Variants in TMEM132D observed in about 807,000 individuals in gnomAD.
The protein encoded by TMEM132D is mature OL transmembrane protein.
A neutral mutation model predicts 62.3 loss-of-function variants in TMEM132D; 21 were observed. That is an observed-to-expected ratio of 0.34 (90% CI 0.24 to 0.49). TMEM132D has a LOEUF of 0.49. Among genes scored for constraint, TMEM132D ranks in the 20% least tolerant of loss-of-function variants. The pLI is 0.99. For synonymous variants in TMEM132D, 621 were observed against 575.6 expected, an observed-to-expected ratio of 1.08 and a Z score of -1.13; for missense variants, 1,346 against 1,402.8, an observed-to-expected ratio of 0.96 and a Z score of 0.65.
intron 3 of TMEM132D, among the ~76,000 whole-genome samples, chr12:129,427,343 G>A (rs1347836625): frequency 6.6e-6 from 1 of 150,680 alleles, no homozygotes; most frequent in African/African-American, 2.4e-5. Context: ...ACTCATAGGT[G>A]GAAACTGAAC....
intron 1 of TMEM132D, among the ~76,000 whole-genome samples, chr12:129,704,039 T>C (rs1325867049): frequency 6.6e-6 from 1 of 152,068 alleles, no homozygotes; most frequent in Non-Finnish European, 1.5e-5. Context: ...GAAAACAGAA[T>C]GATTAGGGCA....
intron 4 of TMEM132D, among the ~76,000 whole-genome samples, chr12:129,245,944 T>C (rs1185478603): frequency 2.0e-5 from 3 of 152,166 alleles, no homozygotes; most frequent in Non-Finnish European, 4.4e-5. Context: ...TCTGCCACTC[T>C]TGGGTACACT....
At chr12:129,643,203 G>T (rs1042237754) in intron 2 of TMEM132D, among the ~76,000 whole-genome samples, 1 of 152,024 alleles carries the variant, frequency 6.6e-6, no homozygotes, top group African/African-American at 2.4e-5. Context: ...GATTACAGGC[G>T]TGAGCCACCA....
intron 3 of TMEM132D, among the ~76,000 whole-genome samples, chr12:129,378,527 T>C (rs1238900696): frequency 6.6e-6 from 1 of 152,212 alleles, no homozygotes. Context: ...TTCAAAGTAG[T>C]TGAAAGCTAG....
At chr12:129,142,233 A>T (rs1053518245) in intron 5 of TMEM132D, among the ~76,000 whole-genome samples, 1 of 152,130 alleles carries the variant, frequency 6.6e-6, no homozygotes, top group South Asian at 2.1e-4. Context: ...GGTGCAGCGA[A>T]CTTTCTGCCC....
In TMEM132D at chr12:129,079,744, T is replaced by C. The variant is rs190599007; in HGVS notation, c.1924-1019A>G. ...ATGCCACCTTCACTTTCTGGTCCGATTGGGACAATTTAAATGGTGGCGAGC... is the reference window on the plus strand; with the variant it reads ...ATGCCACCTTCACTTTCTGGTCCGACTGGGACAATTTAAATGGTGGCGAGC... On this transcript the variant is annotated intron_variant, in intron 7 of 8. Transcript: ENST00000422113. 3.9e-5 allele frequency among the ~76,000 whole-genome samples: 6 copies of C among 152,298 alleles called. No individual in the cohort carries two copies. The East Asian group carries it at 1.2e-3, about 29-fold the overall frequency.
chr12:129,444,995 A>T (rs1413201880), intron 3 of TMEM132D, among the ~76,000 whole-genome samples: 1 of 152,234 alleles, frequency 6.6e-6, no homozygotes, highest in African/African-American at 2.4e-5. Flanking sequence ...TACACAGATA[A>T]ATGTAAATTG....
At chr12:129,242,778 T>C (rs78965031) in intron 4 of TMEM132D, among the ~76,000 whole-genome samples, 2,065 of 97,678 alleles carry the variant, frequency 0.021, 44 homozygotes, top group African/African-American at 0.07. Flanking sequence ...TTATTTTCGG[T>C]AATTATCCCT....
At chr12:129,345,417 T>G (rs561783503) in intron 3 of TMEM132D, among the ~76,000 whole-genome samples, 1 of 152,320 alleles carries the variant, frequency 6.6e-6, no homozygotes, top group Non-Finnish European at 1.5e-5. Context: ...AACTCACCGC[T>G]AGAATGTATT....
chr12:129,829,765 G>A (rs1422562805), intron 1 of TMEM132D, among the ~76,000 whole-genome samples: 4 of 152,092 alleles, frequency 2.6e-5, no homozygotes, highest in Admixed American at 6.6e-5. Flanking sequence ...AATAAGGGTA[G>A]GTGATTCTCC....
At chr12:129,882,747 A>T (rs1874635957) in intron 1 of TMEM132D, among the ~76,000 whole-genome samples, 1 of 152,180 alleles carries the variant, frequency 6.6e-6, no homozygotes, top group Non-Finnish European at 1.5e-5. Flanking sequence ...GAAAACACAC[A>T]TAACATTGTT....
At chr12:129,470,504 T>C (rs1158076207) in intron 3 of TMEM132D, among the ~76,000 whole-genome samples, 1 of 152,202 alleles carries the variant, frequency 6.6e-6, no homozygotes, top group Non-Finnish European at 1.5e-5. Flanking sequence ...TACTTCATCC[T>C]CCTGGTGATT....
At chr12:129,180,430 A>C (rs955983901) in intron 5 of TMEM132D, among the ~76,000 whole-genome samples, 2 of 152,198 alleles carry the variant, frequency 1.3e-5, no homozygotes, top group Non-Finnish European at 2.9e-5. Flanking sequence ...ATTTGCTCAC[A>C]TACTCAGTCA....
At chr12:129,452,026 G>C (rs1208474692) in intron 3 of TMEM132D, among the ~76,000 whole-genome samples, 1 of 152,206 alleles carries the variant, frequency 6.6e-6, no homozygotes, top group Non-Finnish European at 1.5e-5. Flanking sequence ...TTGAATCTGG[G>C]TTCCTGGAGG....
intron 2 of TMEM132D, among the ~76,000 whole-genome samples, chr12:129,634,697 G>T (rs1879435129): frequency 6.6e-6 from 1 of 152,134 alleles, no homozygotes; most frequent in Admixed American, 6.5e-5. Flanking sequence ...GCAGGTCAGA[G>T]TTGGAATATT....
intron 1 of TMEM132D, among the ~76,000 whole-genome samples, chr12:129,770,062 C>T (rs1412785350): frequency 6.6e-6 from 1 of 151,774 alleles, no homozygotes; most frequent in East Asian, 1.9e-4. Context: ...TCAAGCAATC[C>T]TCCCACTTCC....
chr12:129,819,869 G>A (rs1048767699), intron 1 of TMEM132D, among the ~76,000 whole-genome samples: 6 of 152,156 alleles, frequency 3.9e-5, no homozygotes, highest in African/African-American at 1.4e-4. Context: ...AAGTGCTGCT[G>A]CTACCCAAAG....
intron 3 of TMEM132D, among the ~76,000 whole-genome samples, chr12:129,405,427 GAC>G (rs1353119511): frequency 6.6e-6 from 1 of 152,160 alleles, no homozygotes; most frequent in Non-Finnish European, 1.5e-5. Context: ...ATCTTGGGGA[GAC>G]ACAAACATTC....
chr12:129,457,539 T>C (rs1158637268), intron 3 of TMEM132D, among the ~76,000 whole-genome samples: 4 of 151,456 alleles, frequency 2.6e-5, no homozygotes, highest in Non-Finnish European at 5.9e-5. Context: ...CATGTATACA[T>C]ATGTAACAAA....
Sources: gnomAD v4.1 joint callset for allele counts (sites outside exome capture counted in the v4.1 genomes callset) on GRCh38, gnomAD v4.1.1 for gene constraint, MANE v1.5 for transcripts, NCBI Gene and HGNC (gene_info 2026-07-23, HGNC 2026-07-21) for gene names.